Variants in OSTM1 observed in about 807,000 individuals in gnomAD.
The protein encoded by OSTM1 is osteopetrosis-associated transmembrane protein 1.
Under a neutral mutation model 35.4 loss-of-function variants are expected in OSTM1, and 26 were observed. That is an observed-to-expected ratio of 0.73 (90% confidence interval 0.54 to 1.02). The LOEUF (loss-of-function observed/expected upper bound fraction) is 1.02, where lower values mean the gene tolerates loss of function less well. Ranked by LOEUF, OSTM1 falls within the 50% of genes least tolerant of loss-of-function variation. The pLI, the probability that OSTM1 is intolerant of heterozygous loss-of-function variation, is 0.00. For missense variants in OSTM1, 366 were observed against 409.6 expected (o/e 0.89, Z 0.92); for synonymous variants, 181 against 165.0 (o/e 1.10, Z -0.75).
At chr6:108,072,971 G>A (rs1274039483) in intron 1 of OSTM1, among the ~76,000 whole-genome samples, 1 of 152,080 alleles carries the variant, frequency 6.6e-6, no homozygotes, top group Non-Finnish European at 1.5e-5. Context: ...ACCACGCCCG[G>A]ATAATTTTTG....
chr6:108,050,802 C>A (rs1772062874), intron 4 of OSTM1, among the ~76,000 whole-genome samples: 1 of 152,062 alleles, frequency 6.6e-6, no homozygotes, highest in Non-Finnish European at 1.5e-5. Flanking sequence ...TTATGAAGTA[C>A]CTAATTAATT....
intron 2 of OSTM1, among the ~76,000 whole-genome samples, chr6:108,060,310 A>G (rs1316110040): frequency 2.6e-5 from 4 of 152,202 alleles, no homozygotes; most frequent in African/African-American, 9.7e-5. Context: ...ATACCCTAAG[A>G]ATTTATTCTA....
At position 108,044,830 on chromosome 6, in the gene OSTM1, G is replaced by C. The variant is rs201793834; in HGVS notation, c.960C>G (p.Leu320=). The C allele has an allele frequency of 6.8e-4, 1,064 of 1,555,916 alleles. 14 individuals are homozygous for C. In the South Asian group the frequency reaches 0.012, roughly 18 times the overall value. ...KKRKLILPKR[L]KSSTSFANIQ... is the part of the protein sequence containing the mutation. Reference sequence around the variant, plus strand: ...TATTTGCAAAACTGGTACTGGACTTGAGACGTTTGGCTAGATAAATCAAAA... The same window carrying C: ...TATTTGCAAAACTGGTACTGGACTTCAGACGTTTGGCTAGATAAATCAAAA... The change falls in exon 6 of 6, where the codon CTC becomes CTG. Residue 320 remains leucine, a synonymous_variant. Transcript: ENST00000193322.
intron 3 of OSTM1, among the ~76,000 whole-genome samples, chr6:108,052,531 T>C (rs1298070897): frequency 6.6e-6 from 1 of 150,634 alleles, no homozygotes; most frequent in East Asian, 1.9e-4. Context: ...TTTTTTTTTT[T>C]TGAGACACGG....
At chr6:108,064,350 G>T in intron 1 of OSTM1, 51 bp from the exon 2 acceptor site, 1 of 1,036,582 alleles carries the variant, frequency 9.6e-7, no homozygotes, top group Non-Finnish European at 1.5e-6. Flanking sequence ...TTCAGACTTT[G>T]CAAACAACTT....
chr6:108,051,688 A>G (rs1472314959), intron 3 of OSTM1, among the ~76,000 whole-genome samples: 1 of 152,188 alleles, frequency 6.6e-6, no homozygotes, highest in Non-Finnish European at 1.5e-5. Flanking sequence ...TTAAATGGAA[A>G]GGGAAAAGGC....
In OSTM1 at chr6:108,074,730, G is replaced by T; in HGVS notation, c.-79C>A. On this transcript the variant is annotated 5_prime_UTR_variant, in exon 1 of 6. Coordinates refer to ENST00000193322, the MANE Select transcript of OSTM1 (RefSeq NM_014028.4). ...GCACCGCGGACAGCCGCCGCTTCCG[G>T]TTTCCGCGAGCGCAGGCCGAGAGCC... 2.1e-6 allele frequency: 3 copies of T among 1,398,104 alleles called. No individual in the cohort carries two copies. Among genetic ancestry groups the T allele is most frequent in the Non-Finnish European group, 2.8e-6 (3 of 1,076,382 alleles). 86.6% of individuals were successfully genotyped at this position (1,398,104 alleles called of 1,614,324 possible).
At position 108,046,444 on chromosome 6, in the gene OSTM1, C is replaced by T. The variant is rs560381440; in HGVS notation, c.950-1604G>A. On this transcript the variant is annotated intron_variant, in intron 5 of 5. Coordinates refer to ENST00000193322, the MANE Select transcript of OSTM1 (RefSeq NM_014028.4). ...GCAACCTCTGCCTCCTGGGTTCAAG[C>T]GATTTTCCTGCCTCAGCCTCCCGAG... 2.0e-3 allele frequency among the ~76,000 whole-genome samples: 299 copies of T among 150,636 alleles called. 8 individuals carry two copies. Among genetic ancestry groups the T allele is most frequent in the African/African-American group, 6.9e-3 (279 of 40,604 alleles).
chr6:108,055,121 T>G (rs1313730536), intron 2 of OSTM1, among the ~76,000 whole-genome samples: 2 of 152,218 alleles, frequency 1.3e-5, no homozygotes, highest in African/African-American at 2.4e-5. Flanking sequence ...CCTAAAATAC[T>G]GACGTGGGGG....
chr6:108,068,077 A>C (rs1404252167), intron 1 of OSTM1, among the ~76,000 whole-genome samples: 1 of 152,166 alleles, frequency 6.6e-6, no homozygotes, highest in Non-Finnish European at 1.5e-5. Flanking sequence ...CAGTGTTGAC[A>C]GATATATCTC....
intron 2 of OSTM1, among the ~76,000 whole-genome samples, chr6:108,056,991 T>C (rs897729023): frequency 6.6e-6 from 1 of 152,176 alleles, no homozygotes; most frequent in African/African-American, 2.4e-5. Flanking sequence ...TCCCAGCATT[T>C]TGGGAGGCAG....
At chr6:108,072,058 G>A (rs958215209) in intron 1 of OSTM1, among the ~76,000 whole-genome samples, 1 of 152,170 alleles carries the variant, frequency 6.6e-6, no homozygotes, top group African/African-American at 2.4e-5. Flanking sequence ...CTACACACAT[G>A]AGAAAAGCAT....
Position 108,074,668 on chromosome 6 carries a change from C to T in OSTM1, c.-17G>A, listed in dbSNP as rs1363328237. ...CGGCTCCATCACCGGGCTCACACACCCCAGGGAGCCCACCGCCGCCTCTCC... is the reference window on the plus strand; with the variant it reads ...CGGCTCCATCACCGGGCTCACACACTCCAGGGAGCCCACCGCCGCCTCTCC... On this transcript the variant is annotated 5_prime_UTR_variant, in exon 1 of 6. Transcript: ENST00000193322. The T allele has an allele frequency of 6.6e-7, 1 of 1,522,394 alleles. No homozygotes were observed. Among genetic ancestry groups the T allele is most frequent in the Admixed American group, 2.0e-5 (1 of 50,076 alleles). 94.3% of individuals were successfully genotyped at this position (1,522,394 alleles called of 1,614,324 possible).
chr6:108,058,771 C>T (rs1772216057), intron 2 of OSTM1, among the ~76,000 whole-genome samples: 1 of 151,604 alleles, frequency 6.6e-6, no homozygotes, highest in Admixed American at 6.6e-5. Flanking sequence ...GAGCAAGACT[C>T]CGTCTTAAAA....
chr6:108,071,653 C>T (rs966992940), intron 1 of OSTM1, among the ~76,000 whole-genome samples: 1 of 151,914 alleles, frequency 6.6e-6, no homozygotes, highest in African/African-American at 2.4e-5. Context: ...AACTCCCAAA[C>T]CAGTCCATAT....
At chr6:108,072,989 A>G (rs1054741630) in intron 1 of OSTM1, among the ~76,000 whole-genome samples, 1 of 152,136 alleles carries the variant, frequency 6.6e-6, no homozygotes, top group Non-Finnish European at 1.5e-5. Flanking sequence ...TTGTATTTTT[A>G]GTAGAGACGG....
Position 108,062,432 on chromosome 6 carries a change from G to A in OSTM1, c.517+1753C>T, listed in dbSNP as rs1772295102. Among the ~76,000 whole-genome samples the A allele has an allele frequency of 2.0e-5, 3 of 151,890 alleles. No individual in the cohort carries two copies. The South Asian group carries it at 6.2e-4, about 32-fold the overall frequency. ...CTGAAATTTTCCATTTAATATTTTT[G>A]GACTGCAGTTGACTGCAGTAACTGA... On this transcript the variant is annotated intron_variant, in intron 2 of 5. Coordinates refer to ENST00000193322, the MANE Select transcript of OSTM1 (RefSeq NM_014028.4).
intron 5 of OSTM1, among the ~76,000 whole-genome samples, chr6:108,045,508 A>AC (rs1262823792): frequency 6.6e-6 from 1 of 151,926 alleles, no homozygotes; most frequent in Non-Finnish European, 1.5e-5. Context: ...GGAAAAAAAA[A>AC]AAACAAAAAC....
In OSTM1 at chr6:108,068,125, C is replaced by T. The variant is rs6906637; in HGVS notation, c.403-3826G>A. On this transcript the variant is annotated intron_variant, in intron 1 of 5. Coordinates refer to ENST00000193322, the MANE Select transcript of OSTM1 (RefSeq NM_014028.4). ...CAGGATTTGACACAAATAACCACCC[C>T]TTCCCTTTTCCTTGATTTACAGGGC... is the stretch of plus-strand genomic sequence containing the variant. Among the ~76,000 whole-genome samples the T allele has an allele frequency of 9.3e-3, 1,419 of 152,292 alleles. 17 individuals are homozygous for T. The highest frequency in any genetic ancestry group is 0.032 in the African/African-American group (1,348 of 41,546).
Sources: gnomAD v4.1 joint callset for allele counts (sites outside exome capture counted in the v4.1 genomes callset) on GRCh38, gnomAD v4.1.1 for gene constraint, MANE v1.5 for transcripts, NCBI Gene and HGNC (gene_info 2026-07-23, HGNC 2026-07-21) for gene names.